The following HK1 variants were observed in gnomAD, a reference collection of about 807,000 sequenced individuals.
HK1 encodes hexokinase-1.
A neutral mutation model predicts 91.6 loss-of-function variants in HK1; 28 were observed. That is an observed-to-expected ratio of 0.31 (90% CI 0.23 to 0.42). The LOEUF (loss-of-function observed/expected upper bound fraction) is 0.42, where lower values mean the gene tolerates loss of function less well. Among genes scored for constraint, HK1 ranks in the 10% least tolerant of loss-of-function variants. The pLI is 1.00. For missense variants in HK1, 770 were observed against 1,219.8 expected, an observed-to-expected ratio of 0.63 and a Z score of 5.49; for synonymous variants, 430 against 468.1, an observed-to-expected ratio of 0.92 and a Z score of 1.05.
Position 69,283,579 on chromosome 10 carries a change from G to A in HK1, c.-215+875G>A, listed in dbSNP as rs184519412. 4.8e-4 allele frequency among the ~76,000 whole-genome samples: 72 copies of A among 151,452 alleles called. No individual in the cohort carries two copies. The East Asian group carries it at 0.014, about 29-fold the overall frequency. The stretch of plus-strand genomic sequence containing the variant: ...GCAGATTACTTGAGGTCAGGAGTTC[G>A]AGACCAGCCTGGCCAACATGGTGAA... On this transcript the variant is annotated intron_variant, in intron 2 of 21. Transcript: ENST00000360289.
At chr10:69,356,340 G>T in intron 2 of HK1, among the ~76,000 whole-genome samples, 1 of 152,106 alleles carries the variant, frequency 6.6e-6, no homozygotes, top group Admixed American at 6.6e-5. Context: ...GCTGAGGCTG[G>T]AGGATTTCTT....
intron 4 of HK1, chr10:69,296,253 G>A (rs1845558339): frequency 6.2e-6 from 1 of 160,876 alleles, no homozygotes. Flanking sequence ...GATCTGAGAT[G>A]GGTTGCTTCA....
At chr10:69,385,034 C>A in intron 12 of HK1, 119 bp downstream of exon 12, 2 of 1,110,484 alleles carry the variant, frequency 1.8e-6, no homozygotes, top group Non-Finnish European at 2.7e-6. Context: ...CAGTCACAGT[C>A]ACAGTGGGTT....
chr10:69,397,252 A>T (rs544998071), intron 16 of HK1, among the ~76,000 whole-genome samples: 1 of 151,160 alleles, frequency 6.6e-6, no homozygotes, highest in Admixed American at 6.6e-5. Flanking sequence ...TGGCTGTAAC[A>T]TTTTACATTC....
chr10:69,274,441 T>A (rs1487727957), intron 1 of HK1, among the ~76,000 whole-genome samples: 1 of 151,884 alleles, frequency 6.6e-6, no homozygotes, highest in Non-Finnish European at 1.5e-5. Flanking sequence ...CTACCAAAAA[T>A]ACAAAAAGTA....
chr10:69,370,736 C>T (rs1375680075), intron 7 of HK1, among the ~76,000 whole-genome samples: 1 of 152,116 alleles, frequency 6.6e-6, no homozygotes, highest in East Asian at 1.9e-4. Context: ...GAGAAGCAAC[C>T]TCCATTCTTA....
At chr10:69,359,370 G>A (rs968321410) in intron 2 of HK1, among the ~76,000 whole-genome samples, 1 of 152,182 alleles carries the variant, frequency 6.6e-6, no homozygotes, top group Non-Finnish European at 1.5e-5. Flanking sequence ...GAAAATGGTT[G>A]CAGTGGTAAA....
At chr10:69,284,160 A>T (rs114657926) in intron 2 of HK1, among the ~76,000 whole-genome samples, 2 of 152,088 alleles carry the variant, frequency 1.3e-5, no homozygotes, top group African/African-American at 4.8e-5. Flanking sequence ...CAGTTGAGGG[A>T]CAGTGTGCAA....
intron 2 of HK1, among the ~76,000 whole-genome samples, chr10:69,349,894 T>G (rs1346837784): frequency 6.6e-6 from 1 of 152,198 alleles, no homozygotes; most frequent in Non-Finnish European, 1.5e-5. Context: ...AAAAGAGAAT[T>G]CTAGTTTCCT....
At chr10:69,375,503 T>A (rs1295120611) in intron 7 of HK1, among the ~76,000 whole-genome samples, 1 of 152,068 alleles carries the variant, frequency 6.6e-6, no homozygotes, top group African/African-American at 2.4e-5. Flanking sequence ...AGCCAGGCGG[T>A]CACGTCTGGT....
In HK1 at chr10:69,398,634, G is replaced by A. The variant is rs1012863324; in HGVS notation, c.2415G>A (p.Gln805=). ...TGCTCCAGGTCCGGGCTATCCTCCAGCAGCTAGGTCTGAATAGCACCTGCG... is the reference window on the plus strand; with the variant it reads ...TGCTCCAGGTCCGGGCTATCCTCCAACAGCTAGGTCTGAATAGCACCTGCG... ...LALLQVRAIL[Q]QLGLNSTCDD... The change falls in exon 17 of 18, where the codon CAG becomes CAA. Residue 805 remains glutamine (Q), a synonymous_variant. Transcript: ENST00000359426. The A allele has an allele frequency of 9.9e-6, 16 of 1,613,942 alleles. No homozygotes were observed. The Admixed American group carries it at 2.3e-4, about 24-fold the overall frequency.
intron 5 of HK1, among the ~76,000 whole-genome samples, chr10:69,306,384 A>AAAAT (rs910947944): frequency 6.6e-6 from 1 of 151,448 alleles, no homozygotes; most frequent in Non-Finnish European, 1.5e-5. Flanking sequence ...AATAAAATAA[A>AAAAT]AAATAAATAA....
chr10:69,359,803 A>C (rs1159599605), intron 2 of HK1, 94 bp from the exon 3 acceptor site: 4 of 1,194,550 alleles, frequency 3.3e-6, no homozygotes, highest in Non-Finnish European at 5.0e-6. Flanking sequence ...AGGGGGAGGC[A>C]GACAGGGCCT....
chr10:69,389,145 A>G, intron 13 of HK1, 52 bp from the exon 14 acceptor site: 1 of 1,407,678 alleles, frequency 7.1e-7, no homozygotes, highest in South Asian at 1.2e-5. Flanking sequence ...GGCAGCATTC[A>G]AGCCAGGCAT....
At position 69,300,628 on chromosome 10, in the gene HK1, G is replaced by A. The variant is rs996309354; in HGVS notation, c.-66-141G>A. On this transcript the variant is annotated intron_variant, in intron 4 of 21. Coordinates refer to the HK1 transcript ENST00000360289. Reference sequence around the variant, plus strand: ...CCACACTTGTTTAGACTGCCTGTGAGGTTCACAACAATTTGCCTAGCTCTG... The same window carrying A: ...CCACACTTGTTTAGACTGCCTGTGAAGTTCACAACAATTTGCCTAGCTCTG... 9 of 727,252 alleles carry A rather than the reference G, an allele frequency of 1.2e-5. No individual in the cohort carries two copies. The Admixed American group carries it at 1.6e-4, about 13-fold the overall frequency. The allele number at this position is 727,252 out of a possible 1,614,324, so 45.0% of individuals were successfully genotyped here. A position where few individuals can be genotyped will look rare whatever the true frequency, so the allele number is the denominator to read the frequency against.
At chr10:69,371,426 C>G (rs922088359) in intron 7 of HK1, among the ~76,000 whole-genome samples, 2 of 149,540 alleles carry the variant, frequency 1.3e-5, no homozygotes, top group African/African-American at 4.9e-5. Flanking sequence ...GATGGCAGTG[C>G]TGCCTCAGGC....
intron 1 of HK1, among the ~76,000 whole-genome samples, chr10:69,341,558 G>T (rs1300676320): frequency 6.6e-6 from 1 of 150,692 alleles, no homozygotes; most frequent in East Asian, 2.0e-4. Context: ...TCAACCTCTT[G>T]GGCCCAAGTG....
chr10:69,334,316 G>A (rs1402776584), intron 1 of HK1, among the ~76,000 whole-genome samples: 1 of 152,172 alleles, frequency 6.6e-6, no homozygotes, highest in East Asian at 1.9e-4. Flanking sequence ...ACACAGACCT[G>A]TCACTGAGGA....
intron 3 of HK1, among the ~76,000 whole-genome samples, chr10:69,289,497 A>T (rs1845192740): frequency 8.7e-6 from 1 of 114,676 alleles, no homozygotes; most frequent in Non-Finnish European, 1.7e-5. Flanking sequence ...TTTGAGATAG[A>T]GTCTCATTCT....
Sources: allele counts gnomAD v4.1 joint callset (sites outside exome capture counted in the v4.1 genomes callset), GRCh38; gene constraint gnomAD v4.1.1; transcripts MANE v1.5; gene names NCBI Gene and HGNC (gene_info 2026-07-23, HGNC 2026-07-21).